The following RIPK4 variants were observed in gnomAD, a reference collection of about 807,000 sequenced individuals.
RIPK4 encodes the protein receptor interacting serine/threonine kinase 4, also known as receptor-interacting serine/threonine-protein kinase 4.
A neutral mutation model predicts 42.9 loss-of-function variants in RIPK4; 17 were observed. The observed-to-expected ratio is 0.40, with a 90% confidence interval of 0.27 to 0.59. RIPK4 has a LOEUF of 0.59. Among genes scored for constraint, RIPK4 ranks in the 20% least tolerant of loss-of-function variants. The pLI is 0.47. For synonymous variants in RIPK4, 498 were observed against 499.1 expected (o/e 1.00, Z 0.03); for missense variants, 897 against 1,104.4 (o/e 0.81, Z 2.66).
chr21:41,762,476 A>T (rs548385627), intron 1 of RIPK4, among the ~76,000 whole-genome samples: 2 of 152,284 alleles, frequency 1.3e-5, no homozygotes. Context: ...CCCTAGGCGC[A>T]CATCTGGGAA....
Position 41,741,105 on chromosome 21 carries a change from C to A in RIPK4, c.2088G>T (p.Val696=). 1 of 1,612,508 alleles carries A rather than the reference C, an allele frequency of 6.2e-7. No individual in the cohort carries two copies. The highest frequency in any genetic ancestry group is 8.5e-7 in the Non-Finnish European group (1 of 1,179,846). The change falls in exon 8 of 8, where the codon GTG becomes GTT. Residue 696 remains valine (V), a synonymous_variant. Transcript: ENST00000332512. ...TCTGGTTCAGGGGTCCCCGGGCCAG[C>A]ACATCGGCCTTCTCCTCGACAAGCA... ...VKLLVEEKAD[V]LARGPLNQTA... is the part of the protein sequence containing the mutation.
intron 1 of RIPK4, among the ~76,000 whole-genome samples, chr21:41,764,706 G>A (rs946447838): frequency 1.3e-5 from 2 of 152,144 alleles, no homozygotes; most frequent in Non-Finnish European, 2.9e-5. Context: ...GAGCACAGTG[G>A]GACTGATGTA....
intron 1 of RIPK4, among the ~76,000 whole-genome samples, chr21:41,763,312 A>G (rs2061226493): frequency 6.6e-6 from 1 of 151,948 alleles, no homozygotes; most frequent in Non-Finnish European, 1.5e-5. Context: ...AATACGAGAA[A>G]TATCATCACA....
Position 41,740,734 on chromosome 21 carries a change from AG to A in RIPK4, c.*103del. 2 of 1,140,152 alleles carry A rather than the reference AG, an allele frequency of 1.8e-6. No homozygotes were observed. Among genetic ancestry groups the A allele is most frequent in the Non-Finnish European group, 2.4e-6 (2 of 823,956 alleles). 70.6% of individuals were successfully genotyped at this position (1,140,152 alleles called of 1,614,324 possible). A position where few individuals can be genotyped will look rare whatever the true frequency, so the allele number is the denominator to read the frequency against. On this transcript the variant is annotated 3_prime_UTR_variant, in exon 8 of 8. Transcript: ENST00000332512. ...TGTCACCTCTGCTTGGTTAACATTT[AG>A]GTAAGCCACAACAGGGCCCCACGCA...
At chr21:41,757,655 G>C (rs2061207838) in intron 1 of RIPK4, among the ~76,000 whole-genome samples, 1 of 151,908 alleles carries the variant, frequency 6.6e-6, no homozygotes, top group Non-Finnish European at 1.5e-5. Flanking sequence ...AAACAGCATA[G>C]GTCCAAAGCA....
At chr21:41,757,939 C>T (rs2061208865) in intron 1 of RIPK4, among the ~76,000 whole-genome samples, 1 of 136,568 alleles carries the variant, frequency 7.3e-6, no homozygotes, top group Non-Finnish European at 1.5e-5. Context: ...GCGGAGGTTA[C>T]AGTGAGCCGA....
intron 1 of RIPK4, among the ~76,000 whole-genome samples, chr21:41,759,111 T>G (rs1409539956): frequency 6.6e-6 from 1 of 152,150 alleles, no homozygotes; most frequent in Non-Finnish European, 1.5e-5. Flanking sequence ...TTTGTTTTTC[T>G]TTTTTGAAAC....
intron 1 of RIPK4, 98 bp downstream of exon 1, chr21:41,766,762 A>T: frequency 7.9e-7 from 1 of 1,264,750 alleles, no homozygotes; most frequent in Non-Finnish European, 1.1e-6. Flanking sequence ...TCCGGGGGTG[A>T]GTTCGGGAGA....
chr21:41,741,273 G>A lies in RIPK4; in HGVS notation c.1920C>T (p.Pro640=). 1 of 1,608,418 alleles carries A rather than the reference G, an allele frequency of 6.2e-7. No homozygotes were observed. Among genetic ancestry groups the A allele is most frequent in the South Asian group, 1.1e-5 (1 of 91,028 alleles). Residue 640 remains proline (P), a synonymous_variant, in exon 8 of 8, where the codon CCC becomes CCT. Coordinates refer to ENST00000332512, the MANE Select transcript of RIPK4 (RefSeq NM_020639.3). The part of the protein sequence containing the change: ...VNVCSLLAQT[P]LHVAAETGHT... ...GCCCCGTCTCCGCGGCCACGTGCAG[G>A]GGTGTCTGTGCCAGCAGGCTGCAGA...
At chr21:41,754,364 T>C (rs2061196867) in intron 2 of RIPK4, among the ~76,000 whole-genome samples, 1 of 152,212 alleles carries the variant, frequency 6.6e-6, no homozygotes, top group African/African-American at 2.4e-5. Context: ...TTCTTGATGG[T>C]GACTAACATG....
intron 7 of RIPK4, among the ~76,000 whole-genome samples, chr21:41,743,033 G>A (rs543844736): frequency 1.5e-4 from 23 of 152,188 alleles, no homozygotes; most frequent in Admixed American, 5.2e-4. Context: ...TAAAAATCCC[G>A]GGAAGTCTGT....
intron 5 of RIPK4, chr21:41,746,111 C>T (rs770470019): frequency 1.4e-6 from 1 of 696,152 alleles, no homozygotes; most frequent in East Asian, 2.8e-5. Flanking sequence ...GCGCCACCTG[C>T]CAGTCACAGG....
At chr21:41,746,282 G>A (rs530657406) in intron 5 of RIPK4, 24 of 583,288 alleles carry the variant, frequency 4.1e-5, no homozygotes, top group Middle Eastern at 3.9e-4. Context: ...CGACGCCGCC[G>A]GCCACCGGCC....
In RIPK4 at chr21:41,739,628, C is replaced by T. The variant is rs778254665; in HGVS notation, c.*1210G>A. 1 of 152,258 alleles carries T rather than the reference C, an allele frequency of 6.6e-6. No individual in the cohort carries two copies. Among genetic ancestry groups the T allele is most frequent in the Non-Finnish European group, 1.5e-5 (1 of 68,048 alleles). 9.4% of individuals were successfully genotyped at this position (152,258 alleles called of 1,614,324 possible). On this transcript the variant is annotated 3_prime_UTR_variant, in exon 8 of 8. Coordinates refer to ENST00000332512, the MANE Select transcript of RIPK4 (RefSeq NM_020639.3). ...ACGCAGGGTCACGTTCTGCAACAAA[C>T]TTATTCTAATAACAGTATTCAGAAG...
At position 41,751,062 on chromosome 21, in the gene RIPK4, C is replaced by T. The variant is rs778861847; in HGVS notation, c.623+35G>A. On this transcript the variant is annotated intron_variant, in intron 3 of 7. Coordinates refer to ENST00000332512, the MANE Select transcript of RIPK4 (RefSeq NM_020639.3). The surrounding 1 kb of genome is among the most constrained non-coding windows in gnomAD (Gnocchi z 4.5). ...AAGCATTGAGGTTGAGAGCCCCTGGCACCCACAGGGGATGGGGGGCGGCAT... is the reference window on the plus strand; with the variant it reads ...AAGCATTGAGGTTGAGAGCCCCTGGTACCCACAGGGGATGGGGGGCGGCAT... 45 of 1,598,218 alleles carry T rather than the reference C, an allele frequency of 2.8e-5. No individual in the cohort carries two copies. Among genetic ancestry groups the T allele is most frequent in the Middle Eastern group, 1.9e-4 (1 of 5,230 alleles).
chr21:41,753,559 C>G (rs1328432676), intron 2 of RIPK4, among the ~76,000 whole-genome samples: 1 of 152,218 alleles, frequency 6.6e-6, no homozygotes, highest in Non-Finnish European at 1.5e-5. Flanking sequence ...CCTCATCTTC[C>G]CACCCAAGCT....
chr21:41,755,444 C>G lies in RIPK4; in HGVS notation c.474+1081G>C, dbSNP rs752889175. 1.3e-5 allele frequency among the ~76,000 whole-genome samples: 2 copies of G among 152,178 alleles called. No homozygotes were observed. Among genetic ancestry groups the G allele is most frequent in the Non-Finnish European group, 2.9e-5 (2 of 68,028 alleles). ...AGTCTGGGCACAGGGAGCGGCCGTG[C>G]GCATGCCATACGAGCCACCGCTCCC... On this transcript the variant is annotated intron_variant, in intron 2 of 7. Coordinates refer to ENST00000332512, the MANE Select transcript of RIPK4 (RefSeq NM_020639.3). The surrounding 1 kb of genome is among the most constrained non-coding windows in gnomAD (Gnocchi z 4.2).
intron 2 of RIPK4, among the ~76,000 whole-genome samples, chr21:41,754,786 C>T (rs1351987980): frequency 6.6e-6 from 1 of 152,202 alleles, no homozygotes; most frequent in Admixed American, 6.5e-5. Context: ...CACCCTGCCC[C>T]CAAGTGACTG....
At position 41,744,155 on chromosome 21, in the gene RIPK4, A is replaced by C; in HGVS notation, c.937-15T>G. The C allele has an allele frequency of 1.9e-6, 3 of 1,567,530 alleles. No homozygotes were observed. The highest frequency in any genetic ancestry group is 2.6e-6 in the Non-Finnish European group (3 of 1,155,222). ...GCAGGCACCACCTGCGAAGATGCAG[A>C]AGAGGGGGTGGGTGAAGACCCTGCC... On this transcript the variant is annotated splice_polypyrimidine_tract_variant and intron_variant, in intron 6 of 7. Transcript: ENST00000332512.
Sources: allele counts gnomAD v4.1 joint callset (sites outside exome capture counted in the v4.1 genomes callset), GRCh38; gene constraint gnomAD v4.1.1; non-coding constraint Gnocchi (gnomAD v3.1); transcripts MANE v1.5; gene names NCBI Gene and HGNC (gene_info 2026-07-23, HGNC 2026-07-21).